FRMPD3: variants seen among roughly 807,000 people sequenced by gnomAD.
FRMPD3 encodes FERM and PDZ domain-containing protein 3.
A neutral mutation model predicts 97.9 loss-of-function variants in FRMPD3; 42 were observed. The ratio of observed to expected loss-of-function variants is 0.43; its 90% confidence interval spans 0.34 to 0.55. The LOEUF is 0.55. FRMPD3 is among the 20% of genes least tolerant of loss of function. FRMPD3 has a pLI of 0.03. For synonymous variants in FRMPD3, 577 were observed against 581.1 expected, an observed-to-expected ratio of 0.99 and a Z score of 0.10; for missense variants, 1,303 against 1,457.7, an observed-to-expected ratio of 0.89 and a Z score of 1.73.
Position 107,533,566 on chromosome X carries a change from T to G in FRMPD3, c.297+16T>G, listed in dbSNP as rs1227145558. ...CACTCATCAGGTGAGTGAGCCTCTT[T>G]GCCATCTGCCCTTCCTCCTGACTGA... is the stretch of plus-strand genomic sequence containing the variant. On this transcript the variant is annotated intron_variant, in intron 4 of 14. Transcript: ENST00000683843. The G allele has an allele frequency of 8.4e-7, 1 of 1,189,990 alleles. No homozygotes were observed. Among genetic ancestry groups the G allele is most frequent in the African/African-American group, 1.8e-5 (1 of 56,888 alleles).
intron 13 of FRMPD3, among the ~76,000 whole-genome samples, chrX:107,588,077 G>T (rs1381265470): frequency 9.0e-6 from 1 of 111,350 alleles, no homozygotes; most frequent in African/African-American, 3.3e-5. Context: ...GCCCAGCCTG[G>T]CCCCCAGTCT....
intron 1 of FRMPD3, among the ~76,000 whole-genome samples, chrX:107,462,091 C>T (rs1419686700): frequency 9.0e-6 from 1 of 110,897 alleles, no homozygotes; most frequent in Admixed American, 9.7e-5. Context: ...TGGCTGCCCC[C>T]GTTTTTAAAA....
chrX:107,459,184 G>A (rs765211950), intron 1 of FRMPD3, among the ~76,000 whole-genome samples: 1 of 112,762 alleles, frequency 8.9e-6, no homozygotes, highest in African/African-American at 3.2e-5. Context: ...CCAAGCTGGG[G>A]TGCTGAGTAT....
chrX:107,604,174 C>G lies in FRMPD3; in HGVS notation c.*801C>G, dbSNP rs889672116. On this transcript the variant is annotated 3_prime_UTR_variant, in exon 15 of 15. Transcript: ENST00000683843. ...AGGCCTAGGAGCCCGCCTAGCCCGG[C>G]CCAGCCCAGCTCAGGGGCTGTTGCT... The G allele has an allele frequency of 1.9e-5, 2 of 106,512 alleles. No homozygotes were observed. The highest frequency in any genetic ancestry group is 6.9e-5 in the African/African-American group (2 of 29,146). 8.8% of individuals were successfully genotyped at this position (106,512 alleles called of 1,213,427 possible).
In FRMPD3 at chrX:107,485,601, C is replaced by T. The variant is rs187534152; in HGVS notation, c.-8+35596C>T. 2.7e-5 allele frequency among the ~76,000 whole-genome samples: 3 copies of T among 112,262 alleles called. No homozygotes were observed. In the Admixed American group the frequency reaches 2.8e-4, roughly 11 times the overall value. On this transcript the variant is annotated intron_variant, in intron 1 of 14. Coordinates refer to ENST00000683843, the MANE Select transcript of FRMPD3 (RefSeq NM_001388459.1). ...TCTGTGAAGTTCTAAAACGGTGTAA[C>T]AAATTAACAGGTTTCATTCTGACTT...
At chrX:107,510,983 A>T in intron 1 of FRMPD3, among the ~76,000 whole-genome samples, 1 of 112,477 alleles carries the variant, frequency 8.9e-6, no homozygotes, top group South Asian at 3.7e-4. Context: ...AACCTGCATC[A>T]TCTCAGGCAA....
chrX:107,476,358 C>CAAT (rs1410494907), intron 1 of FRMPD3, among the ~76,000 whole-genome samples: 3 of 112,559 alleles, frequency 2.7e-5, no homozygotes, highest in African/African-American at 9.7e-5. Flanking sequence ...TATGATCAAT[C>CAAT]AATAGATCGA....
intron 1 of FRMPD3, among the ~76,000 whole-genome samples, chrX:107,502,047 C>T (rs1183798486): frequency 9.0e-6 from 1 of 110,793 alleles, no homozygotes; most frequent in Non-Finnish European, 1.9e-5. Context: ...GGGGAGGCAA[C>T]AGAGGCAGCA....
chrX:107,476,762 C>T lies in FRMPD3; in HGVS notation c.-8+26757C>T, dbSNP rs1202769717. Among the ~76,000 whole-genome samples, 3 of 112,540 alleles carry T rather than the reference C, an allele frequency of 2.7e-5. No homozygotes were observed. In the South Asian group the frequency reaches 1.1e-3, roughly 42 times the overall value. On this transcript the variant is annotated intron_variant, in intron 1 of 14. Transcript: ENST00000683843. The stretch of plus-strand genomic sequence containing the variant: ...CGATTGCCAGAGTTATATGCAGAAT[C>T]ATGGTGAGGAGAATGTTAGATCAGG...
chrX:107,549,287 C>T (rs1364871250), intron 5 of FRMPD3, among the ~76,000 whole-genome samples: 3 of 108,971 alleles, frequency 2.8e-5, no homozygotes, highest in Non-Finnish European at 5.7e-5. Flanking sequence ...CACACCACTG[C>T]ACTCCCACCT....
rs370819638 is a variant in FRMPD3, at chrX:107,458,605, A to G, written c.-8+8600A>G. ...GAAAGGGTCAGAAAGAAGTCTGACT[A>G]GAGGAGAGGGTGTATATGCAGGCAC... On this transcript the variant is annotated intron_variant, in intron 1 of 14. Transcript: ENST00000683843. Among the ~76,000 whole-genome samples, 25 of 111,979 alleles carry G rather than the reference A, an allele frequency of 2.2e-4. 1 individual carries two copies. In the South Asian group the frequency reaches 9.4e-3, roughly 42 times the overall value.
In FRMPD3 at chrX:107,602,781, G is replaced by A. The variant is rs1262941062; in HGVS notation, c.4742G>A (p.Arg1581Gln). 7.4e-6 allele frequency: 9 copies of A among 1,208,947 alleles called. No individual in the cohort carries two copies. The East Asian group carries it at 8.9e-5, about 12-fold the overall frequency. ...AGCCTGGCCAAGATCAATGCCCTGC[G>A]GGCCCATGCCTATGGCCTCCCTGAT... ...EGSLAKINAL[R>Q]AHAYGLPDGF... The change falls in exon 15 of 15, where the codon CGG (arginine) becomes CAG (glutamine). Residue 1581 changes from arginine (R) to glutamine (Q), a missense_variant. This residue lies in a region of FRMPD3 where 764 missense variants were observed against 820.2 expected (regional missense o/e 0.93). Coordinates refer to ENST00000683843, the MANE Select transcript of FRMPD3 (RefSeq NM_001388459.1).
chrX:107,465,353 C>T (rs776323429), intron 1 of FRMPD3, among the ~76,000 whole-genome samples: 1 of 110,845 alleles, frequency 9.0e-6, no homozygotes, highest in Admixed American at 9.6e-5. Context: ...TACCTGTAAT[C>T]CCGGCTACTC....
intron 12 of FRMPD3, among the ~76,000 whole-genome samples, chrX:107,571,112 G>A (rs1029820010): frequency 3.6e-5 from 4 of 111,899 alleles, no homozygotes; most frequent in Admixed American, 1.9e-4. Context: ...CATTACCACA[G>A]AAGCACATAA....
chrX:107,553,338 A>C (rs1457175760), intron 7 of FRMPD3, among the ~76,000 whole-genome samples: 1 of 106,272 alleles, frequency 9.4e-6, no homozygotes, highest in Admixed American at 1.0e-4. Context: ...ACTCCCACTT[A>C]TCCTAGGACA....
rs1486380638 is a variant in FRMPD3, at chrX:107,604,484, G to A, written c.*1111G>A. The A allele has an allele frequency of 1.8e-5, 2 of 109,431 alleles. No individual in the cohort carries two copies. Among genetic ancestry groups the A allele is most frequent in the African/African-American group, 3.4e-5 (1 of 29,797 alleles). The allele number at this position is 109,431 out of a possible 1,213,427, so 9.0% of individuals were successfully genotyped here. On this transcript the variant is annotated 3_prime_UTR_variant, in exon 15 of 15. Transcript: ENST00000683843. ...CCTTTCTCCCTCTCTGGAGCCATCT[G>A]GAAGGGAATTCACACTGTTTAACAT...
intron 1 of FRMPD3, among the ~76,000 whole-genome samples, chrX:107,498,352 A>G (rs1254303311): frequency 1.8e-5 from 2 of 112,157 alleles, no homozygotes; most frequent in Non-Finnish European, 3.8e-5. Context: ...AGGGGCTTCC[A>G]TGGCTACCCT....
chrX:107,589,888 C>T (rs956137808), intron 13 of FRMPD3, among the ~76,000 whole-genome samples: 14 of 112,653 alleles, frequency 1.2e-4, no homozygotes, highest in Non-Finnish European at 2.1e-4. Context: ...TGGTGGCTCA[C>T]GCCTGTAATC....
intron 2 of FRMPD3, among the ~76,000 whole-genome samples, chrX:107,528,300 A>G (rs1286178785): frequency 8.9e-6 from 1 of 112,147 alleles, no homozygotes; most frequent in East Asian, 2.8e-4. Context: ...AGGAGCAATT[A>G]TGGTTGATCA....
Sources: gnomAD v4.1 joint callset for allele counts (sites outside exome capture counted in the v4.1 genomes callset) on GRCh38, gnomAD v4.1.1 for gene constraint, gnomAD v4.1.1 regional missense constraint, MANE v1.5 for transcripts, NCBI Gene and HGNC (gene_info 2026-07-23, HGNC 2026-07-21) for gene names.